Variants in DYNC2I2 observed in about 807,000 individuals in gnomAD.
DYNC2I2 encodes dynein 2 intermediate chain 2.
A neutral mutation model predicts 52.0 loss-of-function variants in DYNC2I2; 39 were observed. That is an observed-to-expected ratio of 0.75 (90% confidence interval 0.58 to 0.98). The LOEUF is 0.98. Ranked by LOEUF, DYNC2I2 falls within the 50% of genes least tolerant of loss-of-function variation. DYNC2I2 has a pLI of 0.00. For missense variants in DYNC2I2, 743 were observed against 728.4 expected, an observed-to-expected ratio of 1.02 and a Z score of -0.23; for synonymous variants, 359 against 321.1, an observed-to-expected ratio of 1.12 and a Z score of -1.26.
intron 1 of DYNC2I2, among the ~76,000 whole-genome samples, chr9:128,647,701 C>A (rs1292868788): frequency 6.4e-5 from 9 of 141,556 alleles, no homozygotes; most frequent in African/African-American, 2.1e-4. Flanking sequence ...CACTGCCCTG[C>A]AGCCTGGGCA....
the DYNC2I2 span, among the ~76,000 whole-genome samples, chr9:128,663,817 T>TAATTTTTTG: frequency 6.6e-6 from 1 of 151,490 alleles, no homozygotes; most frequent in Non-Finnish European, 1.5e-5. Context: ...CATGCCCAGT[T>TAATTTTTTG]AATTTTTTGT....
At chr9:128,659,254 G>A (rs1860889689), upstream of DYNC2I2, among the ~76,000 whole-genome samples, 1 of 151,898 alleles carries the variant, frequency 6.6e-6, no homozygotes, top group Non-Finnish European at 1.5e-5. Context: ...GCTCACAACT[G>A]GGAGGCCGAG....
At chr9:128,673,583 G>T in the DYNC2I2 span, among the ~76,000 whole-genome samples, 1 of 150,782 alleles carries the variant, frequency 6.6e-6, no homozygotes, top group Non-Finnish European at 1.5e-5. Flanking sequence ...TCGGCTCACT[G>T]CAAGCTCCAC....
At chr9:128,639,811 G>A (rs1460132077) in intron 2 of DYNC2I2, among the ~76,000 whole-genome samples, 13 of 148,500 alleles carry the variant, frequency 8.8e-5, no homozygotes, top group African/African-American at 2.2e-4. Flanking sequence ...AACAACAGGC[G>A]TGCACCACCA....
Position 128,636,030 on chromosome 9 carries a change from G to A in DYNC2I2, c.703+251C>T, listed in dbSNP as rs890060557. The A allele has an allele frequency of 1.2e-4, 88 of 716,676 alleles. 1 individual carries two copies. In the South Asian group the frequency reaches 1.5e-3, roughly 12 times the overall value. The allele number at this position is 716,676 out of a possible 1,614,324, so 44.4% of individuals were successfully genotyped here. On this transcript the variant is annotated intron_variant, in intron 4 of 8. Coordinates refer to ENST00000372715, the MANE Select transcript of DYNC2I2 (RefSeq NM_052844.4). ...CCCCTACCACTGACGGCTTCCCAAG[G>A]GCACCTGCCTCTTCTGGCCTCTCCA...
Position 128,633,975 on chromosome 9 carries a change from C to T in DYNC2I2, c.1380G>A (p.Val460=), listed in dbSNP as rs1301997615. Residue 460 remains valine, a synonymous_variant, in exon 9 of 9, where the codon GTG becomes GTA. Transcript: ENST00000372715. ...VFAAASGKGD[V]QLFDLQKSSQ... is the part of the protein sequence containing the mutation. The stretch of plus-strand genomic sequence containing the variant: ...AGCTTTTCTGGAGATCAAACAGCTG[C>T]ACGTCACCTGCAAAGAGAGACAGAT... 1.9e-6 allele frequency: 3 copies of T among 1,613,036 alleles called. No homozygotes were observed. In the East Asian group the frequency reaches 6.7e-5, roughly 36 times the overall value.
rs2132142043 is a variant in DYNC2I2 at position 128,635,228 on chromosome 9, T to G, written c.845A>C (p.His282Pro). 1 of 1,612,792 alleles carries G rather than the reference T, an allele frequency of 6.2e-7. No homozygotes were observed. The highest frequency in any genetic ancestry group is 8.5e-7 in the Non-Finnish European group (1 of 1,179,882). The change falls in exon 6 of 9, where the codon CAC (histidine) becomes CCC (proline). Residue 282 changes from histidine (H) to proline (P), a missense_variant. Coordinates refer to ENST00000372715, the MANE Select transcript of DYNC2I2 (RefSeq NM_052844.4). ...VVWLPEPGHS[H>P]RFQVLSVATD... ...GGCCACACTCAGCACCTGGAAGCGG[T>G]GGCTGTGCCCAGGCTCGGGCAGCCA...
At chr9:128,654,002 C>A (rs528422130) in intron 1 of DYNC2I2, among the ~76,000 whole-genome samples, 16 of 152,294 alleles carry the variant, frequency 1.1e-4, no homozygotes, top group African/African-American at 3.6e-4. Flanking sequence ...CAAAGCCAGA[C>A]TCCATCTCAA....
At chr9:128,657,923 C>T (rs1472356589), upstream of DYNC2I2, among the ~76,000 whole-genome samples, 1 of 151,956 alleles carries the variant, frequency 6.6e-6, no homozygotes. Context: ...GACTCCCTCT[C>T]TACAAAAAAA....
chr9:128,665,148 G>C, the DYNC2I2 span, among the ~76,000 whole-genome samples: 6 of 151,170 alleles, frequency 4.0e-5, no homozygotes, highest in Admixed American at 6.6e-5. Context: ...CACCTCCAGG[G>C]TTCAAACAAT....
At chr9:128,681,130 A>C in the DYNC2I2 span, among the ~76,000 whole-genome samples, 1 of 150,918 alleles carries the variant, frequency 6.6e-6, no homozygotes, top group Non-Finnish European at 1.5e-5. Context: ...TCACTCTGTC[A>C]CCCAGGCTGG....
intron 1 of DYNC2I2, among the ~76,000 whole-genome samples, chr9:128,641,759 C>A (rs1451635557): frequency 6.6e-6 from 1 of 151,968 alleles, no homozygotes; most frequent in Non-Finnish European, 1.5e-5. Flanking sequence ...GGAGGCAAGC[C>A]CGGAGGAAGA....
intron 2 of DYNC2I2, among the ~76,000 whole-genome samples, chr9:128,639,653 G>GT (rs994164195): frequency 1.3e-4 from 20 of 151,116 alleles, no homozygotes; most frequent in East Asian, 3.9e-4. Flanking sequence ...ACCTCATACA[G>GT]TTTTTTTTTG....
chr9:128,634,588 A>G lies in DYNC2I2; in HGVS notation c.1214+101T>C, dbSNP rs1589427890. 5 of 1,348,530 alleles carry G rather than the reference A, an allele frequency of 3.7e-6. No individual in the cohort carries two copies. In the East Asian group the frequency reaches 1.3e-4, roughly 34 times the overall value. 83.5% of individuals were successfully genotyped at this position (1,348,530 alleles called of 1,614,324 possible). ...GAACACGGGTCTCAGAGTGGGCAGA[A>G]GGCAAGCACTTGAAGCAGTTTGTCA... On this transcript the variant is annotated intron_variant, in intron 7 of 8. Coordinates refer to ENST00000372715, the MANE Select transcript of DYNC2I2 (RefSeq NM_052844.4).
the DYNC2I2 span, among the ~76,000 whole-genome samples, chr9:128,670,508 C>CAGT: frequency 6.6e-6 from 1 of 151,264 alleles, no homozygotes; most frequent in Non-Finnish European, 1.5e-5. Flanking sequence ...GAGGCTGAGG[C>CAGT]GGGCAGATCA....
chr9:128,671,470 C>CTTTTTTT, the DYNC2I2 span, among the ~76,000 whole-genome samples: 2 of 107,760 alleles, frequency 1.9e-5, no homozygotes, highest in Admixed American at 9.5e-5. Context: ...CTGGCTAATT[C>CTTTTTTT]TTTTTTTTTT....
intron 1 of DYNC2I2, among the ~76,000 whole-genome samples, chr9:128,649,504 C>T (rs942884279): frequency 6.6e-6 from 1 of 151,332 alleles, no homozygotes; most frequent in Non-Finnish European, 1.5e-5. Flanking sequence ...GCCTGGCCAA[C>T]ATGGTGAAAC....
chr9:128,666,383 GAA>G, the DYNC2I2 span, among the ~76,000 whole-genome samples: 3 of 46,750 alleles, frequency 6.4e-5, no homozygotes, highest in Non-Finnish European at 1.5e-4. Context: ...CCCTGTCTCA[GAA>G]AAAAAAAAAA....
At chr9:128,676,064 G>A in the DYNC2I2 span, among the ~76,000 whole-genome samples, 1 of 152,130 alleles carries the variant, frequency 6.6e-6, no homozygotes, top group East Asian at 1.9e-4. Context: ...CTACTCAGGA[G>A]GCTGAGGAGG....
Sources: gnomAD v4.1 joint callset for allele counts (sites outside exome capture counted in the v4.1 genomes callset) on GRCh38, gnomAD v4.1.1 for gene constraint, MANE v1.5 for transcripts, NCBI Gene and HGNC (gene_info 2026-07-23, HGNC 2026-07-21) for gene names.